Variants in NRXN1 observed in about 807,000 individuals in gnomAD.
NRXN1 encodes neurexin-1.
A neutral mutation model predicts 150.9 loss-of-function variants in NRXN1; 39 were observed. The observed-to-expected ratio is 0.26, with a 90% confidence interval of 0.20 to 0.34. The LOEUF is 0.34. Among genes scored for constraint, NRXN1 ranks in the 10% least tolerant of loss-of-function variants. NRXN1 has a pLI of 1.00. For synonymous variants in NRXN1, 924 were observed against 757.0 expected (o/e 1.22, Z -3.62); for missense variants, 1,815 against 1,949.9 (o/e 0.93, Z 1.30).
chr2:50,969,005 C>T (rs1694569369), intron 2 of NRXN1, among the ~76,000 whole-genome samples: 1 of 152,104 alleles, frequency 6.6e-6, no homozygotes, highest in Non-Finnish European at 1.5e-5. Flanking sequence ...CCCTCACCTT[C>T]TGCGCCAGGT....
chr2:50,812,140 G>A (rs1668302828), intron 5 of NRXN1, among the ~76,000 whole-genome samples: 1 of 151,932 alleles, frequency 6.6e-6, no homozygotes, highest in African/African-American at 2.4e-5. Flanking sequence ...TAAACATTTG[G>A]TTTTGTACAG....
intron 21 of NRXN1, among the ~76,000 whole-genome samples, chr2:50,026,622 G>A (rs1688319564): frequency 1.3e-5 from 2 of 151,942 alleles, no homozygotes; most frequent in Admixed American, 1.3e-4. Context: ...CACTTTTCCT[G>A]AAAACCATTA....
At chr2:50,552,451 A>C in intron 9 of NRXN1, 136 bp downstream of exon 9, 3 of 666,850 alleles carry the variant, frequency 4.5e-6, no homozygotes. Flanking sequence ...AACAGAAGCA[A>C]TATCAGGCAA....
intron 12 of NRXN1, among the ~76,000 whole-genome samples, chr2:50,526,508 TAGTTTTTATTG>T (rs1291563356): frequency 3.9e-5 from 6 of 152,194 alleles, no homozygotes; most frequent in Non-Finnish European, 8.8e-5. Context: ...ATTGTTAATT[TAGTTTTTATTG>T]AGTACAAAAT....
intron 18 of NRXN1, among the ~76,000 whole-genome samples, chr2:50,186,082 T>C (rs572875292): frequency 3.3e-5 from 5 of 152,048 alleles, no homozygotes; most frequent in Non-Finnish European, 7.4e-5. Context: ...CTAAGTAAAA[T>C]ATATTGAAAC....
At chr2:50,400,232 A>G (rs572607038) in intron 17 of NRXN1, among the ~76,000 whole-genome samples, 7 of 152,292 alleles carry the variant, frequency 4.6e-5, no homozygotes, top group Admixed American at 3.9e-4. Flanking sequence ...TTTCCTTTAT[A>G]CTGACATATT....
chr2:50,497,562 T>C lies in NRXN1; in HGVS notation c.2650A>G (p.Lys884Glu), dbSNP rs1236679250. The change falls in exon 14 of 23, where the codon AAA becomes GAA. Residue 884 changes from lysine to glutamate, a missense_variant. Coordinates refer to ENST00000401669, the MANE Select transcript of NRXN1 (RefSeq NM_001330078.2). ...TCACAGTAATCTATGTCGCCATTTTTACACAGGTCAATGTATGCCATTCCA... is the reference window on the plus strand; with the variant it reads ...TCACAGTAATCTATGTCGCCATTTTCACACAGGTCAATGTATGCCATTCCA... ...FNGMAYIDLC[K>E]NGDIDYCELN... 2 of 1,613,794 alleles carry C rather than the reference T, an allele frequency of 1.2e-6. No homozygotes were observed. Among genetic ancestry groups the C allele is most frequent in the Non-Finnish European group, 1.7e-6 (2 of 1,179,868 alleles).
chr2:50,051,152 C>G (rs546326049), intron 21 of NRXN1, among the ~76,000 whole-genome samples: 3 of 152,022 alleles, frequency 2.0e-5, no homozygotes, highest in Non-Finnish European at 4.4e-5. Flanking sequence ...TAACTCTTTA[C>G]CTTCTGCATT....
intron 17 of NRXN1, among the ~76,000 whole-genome samples, chr2:50,337,188 C>T (rs1277600098): frequency 2.7e-5 from 4 of 150,792 alleles, no homozygotes; most frequent in Non-Finnish European, 5.9e-5. Context: ...CAGGTTCAAG[C>T]GATTCTTCTG....
chr2:50,750,082 G>A (rs1334199801), intron 5 of NRXN1, among the ~76,000 whole-genome samples: 1 of 151,970 alleles, frequency 6.6e-6, no homozygotes, highest in African/African-American at 2.4e-5. Context: ...CATTGGGATG[G>A]GAGATCTTAT....
rs545820640 is a variant in NRXN1 at position 50,120,319 on chromosome 2, C to T, written c.3547-28825G>A. ...TCAAGGACTAAGTTCCAAATACATA[C>T]GTATGCACACACACCAACATGCACA... On this transcript the variant is annotated intron_variant, in intron 18 of 22. Transcript: ENST00000401669. 1.8e-4 allele frequency among the ~76,000 whole-genome samples: 27 copies of T among 152,042 alleles called. No individual in the cohort carries two copies. In the South Asian group the frequency reaches 4.2e-3, roughly 23 times the overall value.
intron 22 of NRXN1, among the ~76,000 whole-genome samples, chr2:49,930,748 C>T (rs1669985574): frequency 6.6e-6 from 1 of 152,144 alleles, no homozygotes; most frequent in South Asian, 2.1e-4. Context: ...AGATTGAACA[C>T]ACTGGCTGAA....
chr2:50,057,087 C>T (rs952616011), intron 19 of NRXN1, among the ~76,000 whole-genome samples: 1 of 152,096 alleles, frequency 6.6e-6, no homozygotes, highest in African/African-American at 2.4e-5. Context: ...TCCATATAAG[C>T]CAATATCTAA....
chr2:50,392,295 C>A (rs1018641407), intron 17 of NRXN1, among the ~76,000 whole-genome samples: 1 of 152,088 alleles, frequency 6.6e-6, no homozygotes, highest in Non-Finnish European at 1.5e-5. Flanking sequence ...ATTCCCATAG[C>A]GACCTCCTTT....
intron 18 of NRXN1, among the ~76,000 whole-genome samples, chr2:50,208,695 G>C (rs996724774): frequency 6.6e-5 from 10 of 151,900 alleles, no homozygotes; most frequent in Non-Finnish European, 1.3e-4. Flanking sequence ...CCTCAGTTTG[G>C]GGTCTGAGCT....
At chr2:50,153,613 T>A (rs919566976) in intron 18 of NRXN1, among the ~76,000 whole-genome samples, 7 of 151,780 alleles carry the variant, frequency 4.6e-5, no homozygotes, top group Non-Finnish European at 8.8e-5. Flanking sequence ...TGCCTTTCCC[T>A]GAGTATGCAC....
At chr2:49,995,397 TGA>T (rs1682763127) in intron 21 of NRXN1, among the ~76,000 whole-genome samples, 1 of 152,202 alleles carries the variant, frequency 6.6e-6, no homozygotes, top group Non-Finnish European at 1.5e-5. Context: ...GTTTGCCTTC[TGA>T]GAGAAAATCT....
chr2:50,344,611 T>C (rs1221307805), intron 17 of NRXN1, among the ~76,000 whole-genome samples: 1 of 152,224 alleles, frequency 6.6e-6, no homozygotes, highest in Admixed American at 6.5e-5. Context: ...CTCTGATTTT[T>C]CATTCACATG....
At chr2:50,063,011 T>C (rs1031296793) in intron 19 of NRXN1, among the ~76,000 whole-genome samples, 1 of 152,208 alleles carries the variant, frequency 6.6e-6, no homozygotes, top group African/African-American at 2.4e-5. Flanking sequence ...AAGTCATCTA[T>C]ACCACAAGAG....
Sources: gnomAD v4.1 joint callset for allele counts (sites outside exome capture counted in the v4.1 genomes callset) on GRCh38, gnomAD v4.1.1 for gene constraint, MANE v1.5 for transcripts, NCBI Gene and HGNC (gene_info 2026-07-23, HGNC 2026-07-21) for gene names.